The following EPHA3 variants were observed in gnomAD, a reference collection of about 807,000 sequenced individuals.
EPHA3 encodes the protein ephrin type-A receptor 3.
EPHA3 carries 42 observed loss-of-function variants against 107.1 expected under a neutral mutation model. The observed-to-expected ratio is 0.39, with a 90% CI of 0.31 to 0.51. The LOEUF is 0.51. Among genes scored for constraint, EPHA3 ranks in the 20% least tolerant of loss-of-function variants. EPHA3 has a pLI of 0.78. For synonymous variants in EPHA3, 461 were observed against 424.8 expected, an observed-to-expected ratio of 1.09 and a Z score of -1.05; for missense variants, 1,183 against 1,211.2, an observed-to-expected ratio of 0.98 and a Z score of 0.35.
chr3:89,459,411 T>C (rs1710168854), intron 15 of EPHA3, among the ~76,000 whole-genome samples: 1 of 152,000 alleles, frequency 6.6e-6, no homozygotes, highest in Non-Finnish European at 1.5e-5. Context: ...CTCTTTCTCT[T>C]CCTCTTTTTC....
intron 3 of EPHA3, among the ~76,000 whole-genome samples, chr3:89,255,655 C>G (rs1576268563): frequency 6.6e-6 from 1 of 151,946 alleles, no homozygotes; most frequent in Non-Finnish European, 1.5e-5. Flanking sequence ...AATCCTAACA[C>G]TTTGGGAGGC....
intron 3 of EPHA3, among the ~76,000 whole-genome samples, chr3:89,211,113 T>C (rs1704065786): frequency 6.6e-6 from 1 of 152,128 alleles, no homozygotes; most frequent in Non-Finnish European, 1.5e-5. Context: ...TTTAAGTGTC[T>C]TTTGCACCAT....
At chr3:89,298,399 C>T (rs1576297097) in intron 3 of EPHA3, among the ~76,000 whole-genome samples, 1 of 152,118 alleles carries the variant, frequency 6.6e-6, no homozygotes, top group Non-Finnish European at 1.5e-5. Flanking sequence ...GTTTTCTGTC[C>T]TCCTGTTTCA....
intron 2 of EPHA3, among the ~76,000 whole-genome samples, chr3:89,198,446 G>T (rs1255644080): frequency 1.3e-5 from 2 of 152,080 alleles, no homozygotes; most frequent in East Asian, 1.9e-4. Flanking sequence ...CAAACACAGG[G>T]TCTTTTATCT....
At chr3:89,163,581 T>C (rs75807954) in intron 2 of EPHA3, among the ~76,000 whole-genome samples, 2,942 of 152,286 alleles carry the variant, frequency 0.019, 92 homozygotes, top group African/African-American at 0.065. Context: ...ATCCAATGTA[T>C]ACTTCTATTG....
intron 3 of EPHA3, among the ~76,000 whole-genome samples, chr3:89,289,891 G>A (rs2107327122): frequency 6.6e-6 from 1 of 152,156 alleles, no homozygotes; most frequent in East Asian, 1.9e-4. Context: ...TTAGTCAGAG[G>A]CCTTTCTGTT....
chr3:89,161,999 G>GTAATAA (rs955551549), intron 2 of EPHA3, among the ~76,000 whole-genome samples: 1 of 139,086 alleles, frequency 7.2e-6, no homozygotes, highest in Non-Finnish European at 1.6e-5. Context: ...AATAATAATA[G>GTAATAA]TAATAATAAT....
At chr3:89,435,791 A>G (rs1254280963) in intron 13 of EPHA3, among the ~76,000 whole-genome samples, 1 of 150,280 alleles carries the variant, frequency 6.7e-6, no homozygotes, top group Non-Finnish European at 1.5e-5. Flanking sequence ...CGTGTCTACT[A>G]AAAATACAAA....
intron 1 of EPHA3, among the ~76,000 whole-genome samples, chr3:89,110,568 A>T (rs1429044672): frequency 6.6e-6 from 1 of 151,980 alleles, no homozygotes; most frequent in African/African-American, 2.4e-5. Context: ...TGATCACTTG[A>T]CTCAGCAATT....
chr3:89,368,926 C>T (rs1034197510), intron 5 of EPHA3, among the ~76,000 whole-genome samples: 5 of 150,474 alleles, frequency 3.3e-5, no homozygotes, highest in African/African-American at 1.2e-4. Flanking sequence ...ATTAATTTTC[C>T]AGTTTTTCAA....
chr3:89,139,068 C>T (rs779115088), intron 2 of EPHA3, among the ~76,000 whole-genome samples: 34 of 151,640 alleles, frequency 2.2e-4, no homozygotes, highest in Non-Finnish European at 4.7e-4. Context: ...TTCTTTTGGG[C>T]CTAAGGTTAA....
intron 2 of EPHA3, among the ~76,000 whole-genome samples, chr3:89,157,830 A>T (rs1704840102): frequency 6.6e-6 from 1 of 151,728 alleles, no homozygotes; most frequent in African/African-American, 2.4e-5. Flanking sequence ...TAATATATAC[A>T]GTGTAGGTAG....
At chr3:89,388,305 G>A (rs1193561650) in intron 5 of EPHA3, among the ~76,000 whole-genome samples, 1 of 152,124 alleles carries the variant, frequency 6.6e-6, no homozygotes, top group Admixed American at 6.6e-5. Flanking sequence ...AGGCACCTAA[G>A]ATTCTGAGGG....
chr3:89,318,031 C>T (rs891186843), intron 3 of EPHA3, among the ~76,000 whole-genome samples: 4 of 151,696 alleles, frequency 2.6e-5, no homozygotes, highest in Admixed American at 6.6e-5. Context: ...TAACAATTTC[C>T]GTTATTTGAC....
chr3:89,228,080 A>G (rs548504729), intron 3 of EPHA3, among the ~76,000 whole-genome samples: 1 of 151,972 alleles, frequency 6.6e-6, no homozygotes, highest in South Asian at 2.1e-4. Context: ...GATCTGCTGT[A>G]ACTTTGACTT....
chr3:89,119,259 A>C (rs1707323636), intron 1 of EPHA3, among the ~76,000 whole-genome samples: 1 of 152,080 alleles, frequency 6.6e-6, no homozygotes, highest in Admixed American at 6.6e-5. Flanking sequence ...TGAATATCAA[A>C]ATAGAACCAT....
chr3:89,149,442 G>GGTGTATGTTAA (rs1280392998), intron 2 of EPHA3, among the ~76,000 whole-genome samples: 1 of 151,702 alleles, frequency 6.6e-6, no homozygotes, highest in Non-Finnish European at 1.5e-5. Flanking sequence ...TCAAGTGCTT[G>GGTGTATGTTAA]GTGTATATTA....
At chr3:89,290,584 C>T (rs1706188200) in intron 3 of EPHA3, among the ~76,000 whole-genome samples, 1 of 152,028 alleles carries the variant, frequency 6.6e-6, no homozygotes, top group Non-Finnish European at 1.5e-5. Context: ...CAATTTAAAG[C>T]TAAGTGTCAT....
chr3:89,390,640 G>A (rs905139695), intron 5 of EPHA3, among the ~76,000 whole-genome samples: 8 of 150,208 alleles, frequency 5.3e-5, no homozygotes, highest in African/African-American at 9.8e-5. Context: ...GCATCTCTCC[G>A]TTATATATGT....
Sources: allele counts gnomAD v4.1 joint callset (sites outside exome capture counted in the v4.1 genomes callset), GRCh38; gene constraint gnomAD v4.1.1; transcripts MANE v1.5; gene names NCBI Gene and HGNC (gene_info 2026-07-23, HGNC 2026-07-21).